The following NUP205 variants were observed in gnomAD, a reference collection of about 807,000 sequenced individuals.
The protein encoded by NUP205 is nucleoporin 205, also known as nuclear pore complex protein Nup205.
Under a neutral mutation model 253.8 loss-of-function variants are expected in NUP205, and 76 were observed. The ratio of observed to expected loss-of-function variants is 0.30; its 90% CI spans 0.25 to 0.36. NUP205 has a LOEUF of 0.36. NUP205 is among the 10% of genes least tolerant of loss of function. The pLI is 1.00. For missense variants in NUP205, 2,162 were observed against 2,425.5 expected (o/e 0.89, Z 2.28); for synonymous variants, 832 against 850.1 (o/e 0.98, Z 0.37).
chr7:135,603,056 CA>C, intron 18 of NUP205, 62 bp downstream of exon 18: 1 of 1,186,524 alleles, frequency 8.4e-7, no homozygotes, highest in Non-Finnish European at 1.2e-6. Flanking sequence ...CTTTGATTTT[CA>C]AATCTGGTTA....
chr7:135,630,402 A>G lies in NUP205; in HGVS notation c.4991A>G (p.Asp1664Gly), dbSNP rs772382203. 6.8e-6 allele frequency: 11 copies of G among 1,610,920 alleles called. No individual in the cohort carries two copies. In the South Asian group the frequency reaches 1.2e-4, roughly 18 times the overall value. ...ATACAAGCAATTCTGCGCTGTCAGG[A>G]TGTTAGTGCTGGGTCTTTGCAGGAA... ...DTIQAILRCQ[D>G]VSAGSLQELA... The change falls in exon 35 of 43, where the codon GAT becomes GGT. Residue 1664 changes from aspartate to glycine, a missense_variant. Coordinates refer to ENST00000285968, the MANE Select transcript of NUP205 (RefSeq NM_015135.3).
intron 14 of NUP205, chr7:135,597,792 A>G: frequency 1.9e-6 from 1 of 529,860 alleles, no homozygotes; most frequent in Non-Finnish European, 3.3e-6. Context: ...GTTTGGGGAC[A>G]GTAAGTGGGA....
intron 39 of NUP205, 128 bp from the exon 40 acceptor site, chr7:135,644,767 T>C: frequency 1.1e-6 from 1 of 884,632 alleles, no homozygotes; most frequent in Non-Finnish European, 1.7e-6. Flanking sequence ...TAAAAACTCT[T>C]ATCTGCAAGG....
In NUP205 at chr7:135,617,096, G is replaced by GA. The variant is rs1794378336; in HGVS notation, c.3544dup (p.Ile1182AsnfsTer6). On this transcript the variant is annotated frameshift_variant, in exon 26 of 43. Transcript: ENST00000285968. LOFTEE classifies it high-confidence loss of function. ...TACTTTTTATTATTTCTAGTACGTC[G>GA]AAAAATTCTAAATATTCTTGACTCG... is the stretch of plus-strand genomic sequence containing the variant. The GA allele has an allele frequency of 6.2e-7, 1 of 1,605,990 alleles. No homozygotes were observed. The highest frequency in any genetic ancestry group is 8.5e-7 in the Non-Finnish European group (1 of 1,177,072).
intron 12 of NUP205, among the ~76,000 whole-genome samples, chr7:135,594,006 G>C (rs965851298): frequency 2.6e-5 from 4 of 152,130 alleles, no homozygotes; most frequent in African/African-American, 9.7e-5. Flanking sequence ...AGAAATGTTA[G>C]AGGATGGATA....
rs1033985566 is a variant in NUP205 at position 135,607,365 on chromosome 7, T to C, written c.3189T>C (p.Cys1063=). 25 of 1,613,432 alleles carry C rather than the reference T, an allele frequency of 1.5e-5. No individual in the cohort carries two copies. The highest frequency in any genetic ancestry group is 2.1e-5 in the Non-Finnish European group (25 of 1,179,758). The change falls in exon 22 of 43, where the codon TGT becomes TGC. Residue 1063 remains cysteine (C), a synonymous_variant. Transcript: ENST00000285968. The part of the protein sequence containing the change: ...VRESPQLAEL[C]YQVIYQLCAC... ...AATCTCCTCAGCTGGCTGAGCTATGTTACCAGGTACACAGAAAACTGCGTT... is the reference window on the plus strand; with the variant it reads ...AATCTCCTCAGCTGGCTGAGCTATGCTACCAGGTACACAGAAAACTGCGTT...
intron 18 of NUP205, 91 bp downstream of exon 18, chr7:135,603,085 C>CT (rs559892201): frequency 1.3e-3 from 859 of 673,880 alleles, no homozygotes; most frequent in South Asian, 1.5e-3. Flanking sequence ...AGTGCATCAC[C>CT]TTTTTTTTTA....
At chr7:135,640,542 A>G (rs1794899634) in intron 38 of NUP205, among the ~76,000 whole-genome samples, 1 of 151,972 alleles carries the variant, frequency 6.6e-6, no homozygotes. Context: ...TACTATTCTG[A>G]TTTTTGTCAC....
chr7:135,617,394 T>A, intron 26 of NUP205, 147 bp downstream of exon 26: 1 of 853,000 alleles, frequency 1.2e-6, no homozygotes, highest in Non-Finnish European at 1.8e-6. Context: ...TTGTAAAATA[T>A]CCCTGAAATA....
Position 135,598,176 on chromosome 7 carries a change from G to A in NUP205, c.2243G>A (p.Arg748His), listed in dbSNP as rs375295025. The change falls in exon 15 of 43, where the codon CGT (arginine) becomes CAT (histidine). Residue 748 changes from arginine to histidine, a missense_variant. By Grantham distance (29) the Arg-to-His change is conservative. This residue lies in a region of NUP205 where 892 missense variants were observed against 957.1 expected (regional missense o/e 0.93). Coordinates refer to ENST00000285968, the MANE Select transcript of NUP205 (RefSeq NM_015135.3). ...FLRDSVFLRF[R>H]TRAYRRAAEK... is the part of the protein sequence containing the mutation. ...AGAGACTCTGTGTTTCTACGATTCC[G>A]TACAAGAGCTTACCGGAGAGCAGCT... is the stretch of plus-strand genomic sequence containing the variant. 1.6e-5 allele frequency: 26 copies of A among 1,613,908 alleles called. No homozygotes were observed. The highest frequency in any genetic ancestry group is 1.6e-4 in the Middle Eastern group (1 of 6,082).
rs141585551 is a variant in NUP205, at chr7:135,613,897, A to G, written c.3196-262A>G. ...GTATAGTAAAATTAACTATATGTGT[A>G]TATATTAATAAGTATATTAATAATA... On this transcript the variant is annotated intron_variant, in intron 22 of 42. Transcript: ENST00000285968. 429 of 195,556 alleles carry G rather than the reference A, an allele frequency of 2.2e-3. 2 individuals carry two copies. Among genetic ancestry groups the G allele is most frequent in the African/African-American group, 9.0e-3 (387 of 42,810 alleles). 12.1% of individuals were successfully genotyped at this position (195,556 alleles called of 1,614,324 possible).
chr7:135,578,725 A>G, intron 6 of NUP205, 26 bp from the exon 7 acceptor site: 1 of 1,545,004 alleles, frequency 6.5e-7, no homozygotes, highest in Non-Finnish European at 8.8e-7. Context: ...GGTGATCGGT[A>G]AAGTGGTCTA....
At position 135,609,456 on chromosome 7, in the gene NUP205, C is replaced by T. The variant is rs1011836477; in HGVS notation, c.3195+2085C>T. On this transcript the variant is annotated intron_variant, in intron 22 of 42. Coordinates refer to ENST00000285968, the MANE Select transcript of NUP205 (RefSeq NM_015135.3). ...TCGCGCCACTGCACTCCAGCCTAGG[C>T]GACAGAGCGAAACTCTGTCCCAGAA... Among the ~76,000 whole-genome samples, 13 of 150,038 alleles carry T rather than the reference C, an allele frequency of 8.7e-5. 1 individual carries two copies. Among genetic ancestry groups the T allele is most frequent in the African/African-American group, 1.2e-4 (5 of 40,702 alleles).
At chr7:135,591,805 C>T (rs2129490266) in intron 11 of NUP205, among the ~76,000 whole-genome samples, 1 of 152,288 alleles carries the variant, frequency 6.6e-6, no homozygotes, top group South Asian at 2.1e-4. Flanking sequence ...GGAGTTTTGT[C>T]ATTCTCCTTT....
At position 135,642,607 on chromosome 7, in the gene NUP205, G is replaced by A. The variant is rs73725436; in HGVS notation, c.5393-585G>A. On this transcript the variant is annotated intron_variant, in intron 38 of 42. Transcript: ENST00000285968. ...AGGCAGATCATTTTGTTTTACTACC[G>A]TAATGTAGCTGTTGTGGCAAAAGAT... Among the ~76,000 whole-genome samples the A allele has an allele frequency of 5.0e-3, 762 of 152,278 alleles. 2 individuals carry two copies. Among genetic ancestry groups the A allele is most frequent in the African/African-American group, 0.014 (569 of 41,552 alleles).
intron 42 of NUP205, among the ~76,000 whole-genome samples, chr7:135,646,777 C>T (rs1311168592): frequency 1.3e-5 from 2 of 152,176 alleles, no homozygotes; most frequent in South Asian, 2.1e-4. Flanking sequence ...TCAATTGCTT[C>T]ATCTAAGAAA....
At chr7:135,571,763 T>TATC (rs142504055) in intron 2 of NUP205, among the ~76,000 whole-genome samples, 4,278 of 152,302 alleles carry the variant, frequency 0.028, 101 homozygotes, top group South Asian at 0.11. Context: ...TATTATTGGC[T>TATC]ATCACCCTGT....
intron 20 of NUP205, 36 bp from the exon 21 acceptor site, chr7:135,606,715 T>G: frequency 6.4e-7 from 1 of 1,558,250 alleles, no homozygotes; most frequent in Non-Finnish European, 8.8e-7. Flanking sequence ...AACTTTCCAC[T>G]GTTTTGTAAT....
At chr7:135,591,233 T>A (rs1250676140) in intron 10 of NUP205, among the ~76,000 whole-genome samples, 1 of 151,638 alleles carries the variant, frequency 6.6e-6, no homozygotes, top group African/African-American at 2.4e-5. Flanking sequence ...TTTTTAAAAA[T>A]GTACTTTTAT....
Sources: allele counts gnomAD v4.1 joint callset (sites outside exome capture counted in the v4.1 genomes callset), GRCh38; gene constraint gnomAD v4.1.1; regional missense constraint gnomAD v4.1.1; transcripts MANE v1.5; gene names NCBI Gene and HGNC (gene_info 2026-07-23, HGNC 2026-07-21).